Variants in SNX25 observed in about 807,000 individuals in gnomAD.
SNX25 encodes the protein sorting nexin-25.
In SNX25, 62 loss-of-function variants were observed where a neutral mutation model predicts 113.7. That is an observed-to-expected ratio of 0.55 (90% CI 0.44 to 0.67). SNX25 has a LOEUF of 0.67. Ranked by LOEUF, SNX25 falls within the 30% of genes least tolerant of loss-of-function variation. SNX25 has a pLI of 0.00. For synonymous variants in SNX25, 421 were observed against 436.2 expected (o/e 0.97, Z 0.43); for missense variants, 1,014 against 1,161.0 (o/e 0.87, Z 1.84).
intron 1 of SNX25, among the ~76,000 whole-genome samples, chr4:185,241,245 G>A (rs1350960361): frequency 1.3e-5 from 2 of 152,180 alleles, no homozygotes; most frequent in Admixed American, 6.5e-5. Flanking sequence ...GGAGGCCGAG[G>A]CTGGCGGATC....
intron 1 of SNX25, among the ~76,000 whole-genome samples, chr4:185,239,363 G>A (rs991329857): frequency 8.6e-5 from 13 of 152,006 alleles, no homozygotes; most frequent in Non-Finnish European, 1.9e-4. Flanking sequence ...GGCACCTGTA[G>A]TCCCAGCTAC....
intron 1 of SNX25, among the ~76,000 whole-genome samples, chr4:185,239,222 C>T (rs1013949657): frequency 6.6e-6 from 1 of 151,532 alleles, no homozygotes; most frequent in East Asian, 1.9e-4. Flanking sequence ...TGGCTCACAC[C>T]TGTAATCCCA....
In SNX25 at chr4:185,363,548, T is replaced by A; in HGVS notation, c.*83T>A. The stretch of plus-strand genomic sequence containing the variant: ...TCCTCTTTTCCACAGAGGGCTTAAC[T>A]GAGAACCGTATTGATTTTTATTTTA... On this transcript the variant is annotated 3_prime_UTR_variant, in exon 19 of 19. Transcript: ENST00000652585. This position sits in a 1 kb window ranked among gnomAD's most constrained non-coding sequence, Gnocchi z 4.2. 1 of 1,288,530 alleles carries A rather than the reference T, an allele frequency of 7.8e-7. No individual in the cohort carries two copies. The highest frequency in any genetic ancestry group is 1.1e-6 in the Non-Finnish European group (1 of 893,258). 79.8% of individuals were successfully genotyped at this position (1,288,530 alleles called of 1,614,324 possible).
intron 2 of SNX25, among the ~76,000 whole-genome samples, chr4:185,248,999 T>G (rs2126490875): frequency 6.6e-6 from 1 of 152,344 alleles, no homozygotes; most frequent in East Asian, 1.9e-4. Flanking sequence ...CTTTGTTACT[T>G]TTGGGTGGGT....
At chr4:185,224,554 TATAA>T (rs1740648680) in intron 1 of SNX25, among the ~76,000 whole-genome samples, 6 of 104,106 alleles carry the variant, frequency 5.8e-5, no homozygotes, top group East Asian at 3.5e-4. Flanking sequence ...TATACATATA[TATAA>T]ATATATATAA....
the SNX25 span, among the ~76,000 whole-genome samples, chr4:185,375,354 G>A: frequency 6.9e-6 from 1 of 145,238 alleles, no homozygotes; most frequent in Non-Finnish European, 1.5e-5. Flanking sequence ...TACTGTGAAG[G>A]CTGAGGCAGA....
chr4:185,278,432 C>T (rs201588280), intron 5 of SNX25, among the ~76,000 whole-genome samples: 1 of 152,176 alleles, frequency 6.6e-6, no homozygotes, highest in East Asian at 1.9e-4. Flanking sequence ...TCAGTTTTAA[C>T]TGTGAAATGG....
At chr4:185,262,816 C>A (rs1050219280) in intron 3 of SNX25, among the ~76,000 whole-genome samples, 5 of 152,218 alleles carry the variant, frequency 3.3e-5, no homozygotes, top group Non-Finnish European at 5.9e-5. Flanking sequence ...TTGATCCACA[C>A]GGAACACAGT....
At position 185,334,751 on chromosome 4, in the gene SNX25, A is replaced by G. The variant is rs1215482155; in HGVS notation, c.1914+1992A>G. Among the ~76,000 whole-genome samples the G allele has an allele frequency of 6.6e-6, 1 of 152,256 alleles. No homozygotes were observed. The highest frequency in any genetic ancestry group is 2.1e-4 in the South Asian group (1 of 4,836). ...AAATAACTTCTGATAACCATGGAAT[A>G]AACATTCTTAGCTACAATTATATGA... On this transcript the variant is annotated intron_variant, in intron 10 of 18. Transcript: ENST00000652585. This position sits in a 1 kb window ranked among gnomAD's most constrained non-coding sequence, Gnocchi z 4.2.
At chr4:185,269,182 T>C (rs1007580571) in intron 5 of SNX25, among the ~76,000 whole-genome samples, 2 of 152,162 alleles carry the variant, frequency 1.3e-5, no homozygotes, top group African/African-American at 4.8e-5. Context: ...TTCGATTCCT[T>C]TTAAAGCATC....
chr4:185,239,394 A>G (rs887531135), intron 1 of SNX25, among the ~76,000 whole-genome samples: 5 of 152,108 alleles, frequency 3.3e-5, no homozygotes, highest in East Asian at 1.9e-4. Context: ...GAGGCAGGAG[A>G]ATGGCTTGAA....
intron 6 of SNX25, among the ~76,000 whole-genome samples, chr4:185,307,280 C>G (rs1366745164): frequency 1.3e-5 from 2 of 152,220 alleles, no homozygotes; most frequent in Non-Finnish European, 2.9e-5. Flanking sequence ...TTAGACTGCA[C>G]TCGTGGGAAC....
intron 9 of SNX25, among the ~76,000 whole-genome samples, chr4:185,329,681 CAGAGAG>C (rs111361928): frequency 6.7e-6 from 1 of 148,920 alleles, no homozygotes; most frequent in African/African-American, 2.5e-5. Flanking sequence ...AAGACAGACA[CAGAGAG>C]AGAGAGAGAG....
intron 1 of SNX25, among the ~76,000 whole-genome samples, chr4:185,225,949 A>T (rs1214285007): frequency 6.6e-6 from 1 of 152,200 alleles, no homozygotes; most frequent in African/African-American, 2.4e-5. Context: ...CCTGATTCAG[A>T]TTTAAAACAA....
At position 185,232,622 on chromosome 4, in the gene SNX25, CAG is replaced by C. The variant is rs1249688600; in HGVS notation, c.430-14671_430-14670del. ...TCCAGGACAGTAATGGAGTACAAAA[CAG>C]TGATTGATTTCATGACTAAAGATCT... On this transcript the variant is annotated intron_variant, in intron 1 of 18. Transcript: ENST00000652585. The surrounding 1 kb of genome is among the most constrained non-coding windows in gnomAD (Gnocchi z 4.4). 6.6e-6 allele frequency among the ~76,000 whole-genome samples: 1 copy of C among 152,088 alleles called. No homozygotes were observed. Among genetic ancestry groups the C allele is most frequent in the East Asian group, 1.9e-4 (1 of 5,194 alleles).
intron 12 of SNX25, among the ~76,000 whole-genome samples, chr4:185,346,322 C>T (rs529969707): frequency 3.9e-5 from 6 of 152,264 alleles, no homozygotes; most frequent in East Asian, 1.9e-4. Flanking sequence ...TCCCAGCTCC[C>T]GGGGATCTGT....
chr4:185,321,867 G>A (rs1462812547), intron 8 of SNX25, among the ~76,000 whole-genome samples: 1 of 152,106 alleles, frequency 6.6e-6, no homozygotes, highest in Non-Finnish European at 1.5e-5. Context: ...CATTTACGGA[G>A]CATTTACGTT....
chr4:185,215,127 G>A (rs1162234001), intron 1 of SNX25, among the ~76,000 whole-genome samples: 2 of 152,134 alleles, frequency 1.3e-5, no homozygotes, highest in Non-Finnish European at 1.5e-5. Flanking sequence ...TACTCGGGAG[G>A]CTGAGGCAGG....
At chr4:185,213,259 A>G (rs115177950) in intron 1 of SNX25, among the ~76,000 whole-genome samples, 50 of 134,428 alleles carry the variant, frequency 3.7e-4, no homozygotes, top group African/African-American at 1.3e-3. Flanking sequence ...TTCCCTTCCA[A>G]TTGAGCTTGT....
Sources: gnomAD v4.1 joint callset for allele counts (sites outside exome capture counted in the v4.1 genomes callset) on GRCh38, gnomAD v4.1.1 for gene constraint, Gnocchi (gnomAD v3.1) non-coding constraint, MANE v1.5 for transcripts, NCBI Gene and HGNC (gene_info 2026-07-23, HGNC 2026-07-21) for gene names.